Variants in DCAF8L2 observed in about 807,000 individuals in gnomAD.
The protein encoded by DCAF8L2 is DDB1 and CUL4 associated factor 8 like 2, also known as DDB1- and CUL4-associated factor 8-like protein 2.
For synonymous variants in DCAF8L2, 200 were observed against 190.9 expected (o/e 1.05, Z -0.39); for missense variants, 430 against 490.7 (o/e 0.88, Z 1.17).
At chrX:27,743,602 G>A (rs895423697) in intron 4 of DCAF8L2, among the ~76,000 whole-genome samples, 4 of 109,759 alleles carry the variant, frequency 3.6e-5, no homozygotes, top group Admixed American at 9.7e-5. Context: ...TGCCATGTTG[G>A]CCAGGCTGGT....
chrX:27,527,535 T>A, the DCAF8L2 span, among the ~76,000 whole-genome samples: 3 of 111,341 alleles, frequency 2.7e-5, no homozygotes, highest in Non-Finnish European at 5.7e-5. Flanking sequence ...ACTGTCCTGC[T>A]CCCACTGTCC....
At chrX:27,563,799 A>G in the DCAF8L2 span, among the ~76,000 whole-genome samples, 1 of 112,061 alleles carries the variant, frequency 8.9e-6, no homozygotes, top group Non-Finnish European at 1.9e-5. Flanking sequence ...GATCATTTTA[A>G]TACACACTTA....
intron 1 of DCAF8L2, among the ~76,000 whole-genome samples, chrX:27,612,631 A>G (rs1376901058): frequency 8.9e-6 from 1 of 112,180 alleles, no homozygotes; most frequent in Admixed American, 9.5e-5. Flanking sequence ...TACAAGGTGT[A>G]AGGAAGGGAT....
intron 3 of DCAF8L2, among the ~76,000 whole-genome samples, chrX:27,684,590 T>G (rs140709127): frequency 0.012 from 1,361 of 111,455 alleles, 27 homozygotes; most frequent in African/African-American, 0.042. Flanking sequence ...ATATGCTATA[T>G]TTAGGGCATT....
chrX:27,599,988 G>A (rs921089040), intron 1 of DCAF8L2, among the ~76,000 whole-genome samples: 2 of 112,040 alleles, frequency 1.8e-5, no homozygotes, highest in Middle Eastern at 4.7e-3. Context: ...AAGATTGGTC[G>A]TTTATTCGGT....
chrX:27,670,425 C>G (rs1439869633), intron 2 of DCAF8L2, among the ~76,000 whole-genome samples: 1 of 111,090 alleles, frequency 9.0e-6, no homozygotes, highest in East Asian at 2.9e-4. Context: ...CTCTGCTTGT[C>G]TTCAAGTGCC....
At chrX:27,537,085 T>A in the DCAF8L2 span, among the ~76,000 whole-genome samples, 7,260 of 111,769 alleles carry the variant, frequency 0.065, 562 homozygotes, top group African/African-American at 0.22. Flanking sequence ...TGTGACAGTT[T>A]GTATAGTTGG....
At chrX:27,592,417 G>GTTTTTTTTTTTTTTTTGTTTTTTT (rs1248208449) in intron 1 of DCAF8L2, among the ~76,000 whole-genome samples, 9 of 83,866 alleles carry the variant, frequency 1.1e-4, no homozygotes, top group East Asian at 7.4e-4. Flanking sequence ...GTTTGTTTTT[G>GTTTTTTTTTTTTTTTTGTTTTTTT]TTTTTTTTTT....
the DCAF8L2 span, among the ~76,000 whole-genome samples, chrX:27,577,062 T>C: frequency 8.9e-6 from 1 of 112,003 alleles, no homozygotes; most frequent in East Asian, 2.8e-4. Flanking sequence ...CGTAGGGATG[T>C]TGGTCCATGC....
At chrX:27,636,903 TA>T (rs1227779806) in intron 2 of DCAF8L2, among the ~76,000 whole-genome samples, 9 of 111,880 alleles carry the variant, frequency 8.0e-5, no homozygotes, top group Non-Finnish European at 1.3e-4. Flanking sequence ...GTCACTAGGC[TA>T]AAAAAGAGAA....
chrX:27,518,906 A>G, the DCAF8L2 span: 1 of 565,461 alleles, frequency 1.8e-6, no homozygotes, highest in Non-Finnish European at 3.2e-6. Flanking sequence ...ATTTCATTTA[A>G]TGACAAAAAA....
At chrX:27,665,418 G>A (rs1929706865) in intron 2 of DCAF8L2, among the ~76,000 whole-genome samples, 1 of 111,607 alleles carries the variant, frequency 9.0e-6, no homozygotes, top group Non-Finnish European at 1.9e-5. Context: ...TATTATGGAT[G>A]AGCAAAGAAA....
intron 3 of DCAF8L2, among the ~76,000 whole-genome samples, chrX:27,703,520 CCTTA>C (rs1322472459): frequency 1.8e-5 from 2 of 111,345 alleles, no homozygotes; most frequent in African/African-American, 6.5e-5. Context: ...AGAAATAAAC[CCTTA>C]CTTTATGGTC....
chrX:27,719,015 A>T (rs1300562212), intron 4 of DCAF8L2, among the ~76,000 whole-genome samples: 1 of 112,249 alleles, frequency 8.9e-6, no homozygotes. Context: ...TTTCTGAAGA[A>T]TTTTGACTAG....
chrX:27,582,862 T>C, the DCAF8L2 span, among the ~76,000 whole-genome samples: 1 of 111,130 alleles, frequency 9.0e-6, no homozygotes, highest in East Asian at 2.8e-4. Flanking sequence ...ATGGTTATGT[T>C]AACCATGATC....
At chrX:27,514,883 G>A in the DCAF8L2 span, among the ~76,000 whole-genome samples, 1 of 110,446 alleles carries the variant, frequency 9.1e-6, no homozygotes, top group African/African-American at 3.3e-5. Flanking sequence ...AGAGGCTGAG[G>A]AGGGTAGAAA....
the DCAF8L2 span, among the ~76,000 whole-genome samples, chrX:27,507,082 C>T: frequency 9.9e-5 from 11 of 111,413 alleles, no homozygotes; most frequent in African/African-American, 3.3e-4. Context: ...TTTCTGTCCT[C>T]CCACACTTTT....
At chrX:27,599,188 T>C (rs1926519686) in intron 1 of DCAF8L2, among the ~76,000 whole-genome samples, 1 of 110,979 alleles carries the variant, frequency 9.0e-6, no homozygotes, top group Non-Finnish European at 1.9e-5. Flanking sequence ...ATTCGTCCTT[T>C]AAAAAGAAGG....
In DCAF8L2 at chrX:27,723,537, C is replaced by G. The variant is rs749989203; in HGVS notation, c.-59+7366C>G. Among the ~76,000 whole-genome samples, 4 of 111,203 alleles carry G rather than the reference C, an allele frequency of 3.6e-5. No individual in the cohort carries two copies. The East Asian group carries it at 8.5e-4, about 24-fold the overall frequency. On this transcript the variant is annotated intron_variant, in intron 4 of 4. Coordinates refer to ENST00000451261, the MANE Select transcript of DCAF8L2 (RefSeq NM_001353450.2). ...AACACACTCTATAGAGAAGCTTTTC[C>G]TTACCTATCATATTCCAAATTTTTA...
Sources: allele counts gnomAD v4.1 joint callset (sites outside exome capture counted in the v4.1 genomes callset), GRCh38; gene constraint gnomAD v4.1.1; transcripts MANE v1.5; gene names NCBI Gene and HGNC (gene_info 2026-07-23, HGNC 2026-07-21).